Variants in PCCA observed in about 807,000 individuals in gnomAD.
PCCA encodes propionyl-CoA carboxylase alpha chain, mitochondrial.
A neutral mutation model predicts 101.3 loss-of-function variants in PCCA; 74 were observed. The ratio of observed to expected loss-of-function variants is 0.73; its 90% confidence interval spans 0.61 to 0.89. The LOEUF (loss-of-function observed/expected upper bound fraction) is 0.89. PCCA is among the 40% of genes least tolerant of loss of function. The pLI, the probability that PCCA is intolerant of heterozygous loss-of-function variation, is 0.00. For synonymous variants in PCCA, 294 were observed against 313.6 expected (o/e 0.94, Z 0.66); for missense variants, 891 against 907.0 (o/e 0.98, Z 0.23).
intron 12 of PCCA, among the ~76,000 whole-genome samples, chr13:100,285,966 T>G (rs943363373): frequency 6.6e-6 from 1 of 151,922 alleles, no homozygotes; most frequent in South Asian, 2.1e-4. Flanking sequence ...CCTCTCACCC[T>G]CCCTCTCCCC....
rs1230200445 is a variant in PCCA, at chr13:100,394,718, T to C, written c.1746+26144T>C. On this transcript the variant is annotated intron_variant, in intron 19 of 23. Coordinates refer to ENST00000376285, the MANE Select transcript of PCCA (RefSeq NM_000282.4). This position sits in a 1 kb window ranked among gnomAD's most constrained non-coding sequence, Gnocchi z 4.3. ...CAGGTCAGGTCTGCTTCTCAATAAA[T>C]ATGTTGAAAGAATGAAATATATCCT... is the stretch of plus-strand genomic sequence containing the variant. 6.6e-6 allele frequency among the ~76,000 whole-genome samples: 1 copy of C among 152,216 alleles called. No homozygotes were observed. The highest frequency in any genetic ancestry group is 1.5e-5 in the Non-Finnish European group (1 of 68,038).
intron 20 of PCCA, among the ~76,000 whole-genome samples, chr13:100,441,059 A>C (rs2080330973): frequency 1.3e-5 from 2 of 152,194 alleles, no homozygotes; most frequent in Admixed American, 1.3e-4. Flanking sequence ...GAAGCTTAGC[A>C]GTTTTCTGGG....
intron 7 of PCCA, among the ~76,000 whole-genome samples, chr13:100,223,825 G>C (rs920171524): frequency 6.6e-6 from 1 of 152,160 alleles, no homozygotes; most frequent in African/African-American, 2.4e-5. Flanking sequence ...CAACACAAAG[G>C]TTCTCCAAGT....
intron 12 of PCCA, among the ~76,000 whole-genome samples, chr13:100,283,630 G>C (rs1270206372): frequency 6.6e-6 from 1 of 152,108 alleles, no homozygotes; most frequent in African/African-American, 2.4e-5. Flanking sequence ...ACAAAATCTA[G>C]AGGCATTATT....
At chr13:100,206,044 T>G (rs539211100) in intron 6 of PCCA, among the ~76,000 whole-genome samples, 1 of 152,252 alleles carries the variant, frequency 6.6e-6, no homozygotes, top group South Asian at 2.1e-4. Context: ...GTGCTTTACA[T>G]TTTTGGGGAT....
chr13:100,473,454 G>C (rs1226866960), intron 21 of PCCA: 3 of 152,182 alleles, frequency 2.0e-5, no homozygotes, highest in African/African-American at 7.2e-5. Flanking sequence ...GGCAATTACA[G>C]TACTGCTCTG....
At chr13:100,462,861 C>T (rs1199029157) in intron 21 of PCCA, among the ~76,000 whole-genome samples, 1 of 152,138 alleles carries the variant, frequency 6.6e-6, no homozygotes, top group Non-Finnish European at 1.5e-5. Flanking sequence ...GACTGATTAC[C>T]GTGATAAGAA....
In PCCA at chr13:100,303,014, G is replaced by C; in HGVS notation, c.1284+16G>C. 2 of 1,417,538 alleles carry C rather than the reference G, an allele frequency of 1.4e-6. No homozygotes were observed. Among genetic ancestry groups the C allele is most frequent in the Non-Finnish European group, 2.0e-6 (2 of 1,000,614 alleles). 87.8% of individuals were successfully genotyped at this position (1,417,538 alleles called of 1,614,324 possible). On this transcript the variant is annotated intron_variant, in intron 14 of 23. Coordinates refer to ENST00000376285, the MANE Select transcript of PCCA (RefSeq NM_000282.4). ...TCTACCTGGTGTAAGTCATTAAGCT[G>C]TAATACCAGCTGAAGGGTTAAAATC...
chr13:100,127,167 T>G (rs2050034188), intron 4 of PCCA, among the ~76,000 whole-genome samples: 1 of 152,236 alleles, frequency 6.6e-6, no homozygotes, highest in Non-Finnish European at 1.5e-5. Flanking sequence ...AGGATTTATA[T>G]CAGTATCTTC....
At chr13:100,139,026 A>G (rs1594314090) in intron 4 of PCCA, among the ~76,000 whole-genome samples, 2 of 151,284 alleles carry the variant, frequency 1.3e-5, no homozygotes, top group South Asian at 2.1e-4. Flanking sequence ...TAGAGTACTG[A>G]GTTGACAGTT....
chr13:100,196,322 C>G (rs1215189358), intron 6 of PCCA, among the ~76,000 whole-genome samples: 1 of 152,056 alleles, frequency 6.6e-6, no homozygotes, highest in East Asian at 1.9e-4. Context: ...ATTTAATTGC[C>G]AGATATTAAA....
rs184858124 is a variant in PCCA, at chr13:100,298,736, T to G, written c.1066-2724T>G. Among the ~76,000 whole-genome samples the G allele has an allele frequency of 2.7e-4, 31 of 115,300 alleles. 1 individual carries two copies. Among genetic ancestry groups the G allele is most frequent in the African/African-American group, 6.4e-4 (19 of 29,566 alleles). 75.6% of individuals were successfully genotyped at this position (115,300 alleles called of 152,430 possible). A position where few individuals can be genotyped will look rare whatever the true frequency, so the allele number is the denominator to read the frequency against. Reference sequence around the variant, plus strand: ...CTTCCTTCCTTCCTTCCTTCCTTCCTTCCTTCCGTCCTTCCTTCCGTCCTT... The same window carrying G: ...CTTCCTTCCTTCCTTCCTTCCTTCCGTCCTTCCGTCCTTCCTTCCGTCCTT... On this transcript the variant is annotated intron_variant, in intron 12 of 23. Transcript: ENST00000376285.
chr13:100,320,374 G>A (rs1237946820), intron 16 of PCCA, among the ~76,000 whole-genome samples: 1 of 152,186 alleles, frequency 6.6e-6, no homozygotes, highest in Admixed American at 6.5e-5. Context: ...GAATAGGAGT[G>A]GTGAGAGAGG....
intron 16 of PCCA, among the ~76,000 whole-genome samples, chr13:100,322,023 G>A (rs1595333062): frequency 6.6e-6 from 1 of 152,308 alleles, no homozygotes; most frequent in Non-Finnish European, 1.5e-5. Flanking sequence ...CTAGGGTACA[G>A]GGTAACCTGC....
intron 16 of PCCA, among the ~76,000 whole-genome samples, chr13:100,323,429 G>C (rs1299926686): frequency 6.6e-6 from 1 of 151,976 alleles, no homozygotes; most frequent in Non-Finnish European, 1.5e-5. Flanking sequence ...TCAAGCGGGA[G>C]GCCTCAGCCT....
Position 100,438,793 on chromosome 13 carries a change from C to T in PCCA, c.1846-10459C>T, listed in dbSNP as rs186951411. On this transcript the variant is annotated intron_variant, in intron 20 of 23. Transcript: ENST00000376285. ...TGCCTTATTCTTTGGTTTCTTGGCTCCCTCCGCATTTGGGGGCTGCTTTGC... is the reference window on the plus strand; with the variant it reads ...TGCCTTATTCTTTGGTTTCTTGGCTTCCTCCGCATTTGGGGGCTGCTTTGC... Among the ~76,000 whole-genome samples the T allele has an allele frequency of 2.7e-3, 404 of 152,028 alleles. 2 individuals carry two copies. The highest frequency in any genetic ancestry group is 9.4e-3 in the African/African-American group (389 of 41,472).
At chr13:100,351,019 T>G (rs2073207208) in intron 18 of PCCA, among the ~76,000 whole-genome samples, 1 of 152,210 alleles carries the variant, frequency 6.6e-6, no homozygotes, top group Non-Finnish European at 1.5e-5. Flanking sequence ...GGCAATCAAG[T>G]TTTTATTTCA....
At chr13:100,448,332 A>G (rs2080986467) in intron 20 of PCCA, among the ~76,000 whole-genome samples, 1 of 152,130 alleles carries the variant, frequency 6.6e-6, no homozygotes, top group African/African-American at 2.4e-5. Flanking sequence ...AGCTGGGACT[A>G]CAGGTGTGCA....
intron 18 of PCCA, among the ~76,000 whole-genome samples, chr13:100,347,899 T>C (rs189093670): frequency 6.6e-5 from 10 of 152,328 alleles, no homozygotes; most frequent in East Asian, 5.8e-4. Context: ...TGCTACACCC[T>C]ATAACAGTGT....
Sources: gnomAD v4.1 joint callset for allele counts (sites outside exome capture counted in the v4.1 genomes callset) on GRCh38, gnomAD v4.1.1 for gene constraint, Gnocchi (gnomAD v3.1) non-coding constraint, MANE v1.5 for transcripts, NCBI Gene and HGNC (gene_info 2026-07-23, HGNC 2026-07-21) for gene names.